MYO9A: variants seen among roughly 807,000 people sequenced by gnomAD.
MYO9A encodes myosin IXA, also known as unconventional myosin-IXa.
MYO9A carries 103 observed loss-of-function variants against 293.3 expected under a neutral mutation model. That is an observed-to-expected ratio of 0.35 (90% CI 0.30 to 0.41). The LOEUF is 0.41. MYO9A is among the 10% of genes least tolerant of loss of function. The pLI is 1.00. For missense variants in MYO9A, 2,685 were observed against 3,033.0 expected, an observed-to-expected ratio of 0.89 and a Z score of 2.69; for synonymous variants, 1,001 against 1,035.7, an observed-to-expected ratio of 0.97 and a Z score of 0.64.
intron 9 of MYO9A, among the ~76,000 whole-genome samples, chr15:71,999,619 G>T (rs1286863446): frequency 6.6e-6 from 1 of 152,120 alleles, no homozygotes; most frequent in African/African-American, 2.4e-5. Context: ...TGGAAATGAT[G>T]AAGAGGTTAA....
intron 39 of MYO9A, among the ~76,000 whole-genome samples, chr15:71,834,717 G>A (rs990904881): frequency 6.6e-6 from 1 of 152,042 alleles, no homozygotes; most frequent in South Asian, 2.1e-4. Flanking sequence ...AGTGAGCCAA[G>A]ATCATGCCAC....
chr15:72,039,273 A>T (rs1262884523), intron 2 of MYO9A, among the ~76,000 whole-genome samples: 1 of 152,094 alleles, frequency 6.6e-6, no homozygotes, highest in Non-Finnish European at 1.5e-5. Flanking sequence ...TACCATCCAT[A>T]CTTTTCAAGT....
At chr15:71,893,235 T>C in intron 26 of MYO9A, 1 of 1,181,534 alleles carries the variant, frequency 8.5e-7, no homozygotes, top group Non-Finnish European at 1.1e-6. Context: ...TTTGTTCTTT[T>C]TGAGATGATG....
chr15:71,860,709 A>C (rs895968962), intron 33 of MYO9A, among the ~76,000 whole-genome samples: 73 of 152,122 alleles, frequency 4.8e-4, no homozygotes, highest in Admixed American at 1.8e-3. Context: ...TCATGCCTGT[A>C]ATCCTAGCAC....
intron 9 of MYO9A, 47 bp downstream of exon 9, chr15:71,999,801 ACTT>A (rs775054444): frequency 4.0e-6 from 6 of 1,486,206 alleles, no homozygotes; most frequent in Non-Finnish European, 4.6e-6. Context: ...TCAAACCTAA[ACTT>A]CTAACAATGT....
At chr15:72,037,080 G>C (rs1264871195) in intron 2 of MYO9A, among the ~76,000 whole-genome samples, 1 of 149,116 alleles carries the variant, frequency 6.7e-6, no homozygotes, top group Non-Finnish European at 1.5e-5. Context: ...TGTCAACCCA[G>C]ACTGGAGTGC....
chr15:72,032,991 C>A (rs1356318498), intron 2 of MYO9A, among the ~76,000 whole-genome samples: 3 of 152,112 alleles, frequency 2.0e-5, no homozygotes, highest in Non-Finnish European at 4.4e-5. Flanking sequence ...GCTGGGACTA[C>A]AGGCCCACGC....
intron 18 of MYO9A, among the ~76,000 whole-genome samples, chr15:71,921,873 G>C (rs2058164048): frequency 6.6e-6 from 1 of 152,074 alleles, no homozygotes; most frequent in Non-Finnish European, 1.5e-5. Context: ...TCATGATAAT[G>C]AACATATCCA....
chr15:72,018,938 G>A, intron 6 of MYO9A, 101 bp downstream of exon 6: 1 of 876,798 alleles, frequency 1.1e-6, no homozygotes, highest in East Asian at 2.5e-5. Flanking sequence ...AGGATTCTTT[G>A]TATTTCAGCT....
At chr15:71,965,729 C>T (rs891492891) in intron 13 of MYO9A, among the ~76,000 whole-genome samples, 5 of 152,160 alleles carry the variant, frequency 3.3e-5, no homozygotes, top group Admixed American at 6.5e-5. Flanking sequence ...AAGAGCGAAG[C>T]GAGACTCCGT....
intron 8 of MYO9A, among the ~76,000 whole-genome samples, chr15:72,004,691 A>T (rs1040739223): frequency 2.0e-5 from 3 of 152,230 alleles, no homozygotes; most frequent in Non-Finnish European, 4.4e-5. Context: ...CACAACAAAA[A>T]CATCTTCCAC....
chr15:72,037,991 T>G (rs71395056), intron 2 of MYO9A, among the ~76,000 whole-genome samples: 2,104 of 151,524 alleles, frequency 0.014, 22 homozygotes, highest in East Asian at 0.025. Flanking sequence ...CACAGCTCAG[T>G]GGAGCCTCAA....
intron 39 of MYO9A, among the ~76,000 whole-genome samples, chr15:71,836,016 T>C (rs1333568692): frequency 6.6e-6 from 1 of 151,990 alleles, no homozygotes; most frequent in African/African-American, 2.4e-5. Flanking sequence ...TTAAAAGGTA[T>C]TCATCCTAAA....
At chr15:71,887,880 A>G (rs2057067965) in intron 27 of MYO9A, 124 bp downstream of exon 27, 1 of 504,190 alleles carries the variant, frequency 2.0e-6, no homozygotes, top group Non-Finnish European at 3.4e-6. Flanking sequence ...AAAAATTGGT[A>G]AATAAGTTTA....
At chr15:71,925,252 TATACACATATATAC>T (rs1370851954) in intron 18 of MYO9A, among the ~76,000 whole-genome samples, 7 of 149,904 alleles carry the variant, frequency 4.7e-5, no homozygotes, top group Admixed American at 2.7e-4. Flanking sequence ...TACATATACG[TATACACATATATAC>T]ATATATACAT....
chr15:71,915,157 A>AT lies in MYO9A; in HGVS notation c.2685+1212dup, dbSNP rs200674625. On this transcript the variant is annotated intron_variant, in intron 19 of 41. Coordinates refer to ENST00000356056, the MANE Select transcript of MYO9A (RefSeq NM_006901.4). ...TAATAAACTTATATTACTCAACATG[A>AT]TTTTTTTTTCTATAACCCATTAATC... 8.5e-3 allele frequency among the ~76,000 whole-genome samples: 1,281 copies of AT among 151,574 alleles called. 47 individuals are homozygous for AT. Among genetic ancestry groups the AT allele is most frequent in the Admixed American group, 0.056 (857 of 15,194 alleles).
intron 17 of MYO9A, 79 bp from the exon 18 acceptor site, chr15:71,933,788 C>T: frequency 8.2e-7 from 1 of 1,220,256 alleles, no homozygotes; most frequent in East Asian, 2.4e-5. Context: ...AGAAAGATTT[C>T]AAGGTCTCTC....
At chr15:72,047,774 C>CATTT (rs762827765) in intron 1 of MYO9A, among the ~76,000 whole-genome samples, 1 of 74,396 alleles carries the variant, frequency 1.3e-5, no homozygotes, top group African/African-American at 5.5e-5. Context: ...CAGTTACTTC[C>CATTT]TTTTTTTTTT....
At chr15:72,021,080 G>A (rs1420885817) in intron 4 of MYO9A, 63 bp from the exon 5 acceptor site, 3 of 1,042,184 alleles carry the variant, frequency 2.9e-6, no homozygotes, top group Non-Finnish European at 4.2e-6. Flanking sequence ...TTTAACAGGG[G>A]GAGGGGGGAA....
Sources: allele counts gnomAD v4.1 joint callset (sites outside exome capture counted in the v4.1 genomes callset), GRCh38; gene constraint gnomAD v4.1.1; transcripts MANE v1.5; gene names NCBI Gene and HGNC (gene_info 2026-07-23, HGNC 2026-07-21).